DLGAP2: variants seen among roughly 807,000 people sequenced by gnomAD.
DLGAP2 encodes the protein disks large-associated protein 2.
Under a neutral mutation model 100.3 loss-of-function variants are expected in DLGAP2, and 26 were observed. That is an observed-to-expected ratio of 0.26 (90% CI 0.19 to 0.36). The LOEUF (loss-of-function observed/expected upper bound fraction) is 0.36. DLGAP2 is among the 10% of genes least tolerant of loss of function. DLGAP2 has a pLI of 1.00. For synonymous variants in DLGAP2, 886 were observed against 630.1 expected (o/e 1.41, Z -6.08); for missense variants, 1,858 against 1,453.2 (o/e 1.28, Z -4.53).
chr8:1,626,975 G>C (rs1010235934), intron 7 of DLGAP2, 88 bp downstream of exon 7: 7 of 1,467,962 alleles, frequency 4.8e-6, no homozygotes, highest in South Asian at 1.3e-5. Flanking sequence ...TGGCGATGGC[G>C]CTGCCCTCCT....
chr8:1,024,082 C>T (rs750446750), intron 2 of DLGAP2, among the ~76,000 whole-genome samples: 17 of 151,962 alleles, frequency 1.1e-4, no homozygotes, highest in African/African-American at 1.9e-4. Context: ...TCCTGCAGGA[C>T]GAGGCCTCCG....
At chr8:989,296 C>T (rs1800582051) in intron 2 of DLGAP2, among the ~76,000 whole-genome samples, 1 of 152,282 alleles carries the variant, frequency 6.6e-6, no homozygotes, top group Middle Eastern at 3.4e-3. Flanking sequence ...TCCTAACCTC[C>T]TCTCCATCAG....
intron 2 of DLGAP2, among the ~76,000 whole-genome samples, chr8:1,251,812 A>C (rs1213939966): frequency 6.6e-6 from 1 of 152,090 alleles, no homozygotes; most frequent in Non-Finnish European, 1.5e-5. Flanking sequence ...ACGTCATCGC[A>C]CTGTTGCACG....
chr8:1,631,542 C>T (rs1013287691), intron 7 of DLGAP2, among the ~76,000 whole-genome samples: 6 of 152,168 alleles, frequency 3.9e-5, no homozygotes, highest in South Asian at 4.1e-4. Context: ...GCCATCCTGC[C>T]GGCTGTGTCC....
chr8:1,290,470 T>C (rs1236094495), intron 3 of DLGAP2, among the ~76,000 whole-genome samples: 1 of 152,196 alleles, frequency 6.6e-6, no homozygotes, highest in Non-Finnish European at 1.5e-5. Context: ...CTTTTAATTC[T>C]CATCAGAGGA....
chr8:1,178,694 G>A lies in DLGAP2; in HGVS notation c.74-80157G>A, dbSNP rs998254801. On this transcript the variant is annotated intron_variant, in intron 2 of 14. Transcript: ENST00000637795. Reference sequence around the variant, plus strand: ...ATGGATTTTGGGAAGTGCACAAAATGTAGAAGTTTTAGCAACTGCTGGGCA... The same window carrying A: ...ATGGATTTTGGGAAGTGCACAAAATATAGAAGTTTTAGCAACTGCTGGGCA... Among the ~76,000 whole-genome samples the A allele has an allele frequency of 2.0e-5, 3 of 152,290 alleles. No individual in the cohort carries two copies. In the South Asian group the frequency reaches 6.2e-4, roughly 32 times the overall value.
intron 7 of DLGAP2, among the ~76,000 whole-genome samples, chr8:1,627,886 A>G (rs756624793): frequency 1.9e-3 from 204 of 108,882 alleles, no homozygotes; most frequent in Middle Eastern, 5.6e-3. Context: ...GTGGAGCAGG[A>G]ATTAAGAGCT....
intron 3 of DLGAP2, among the ~76,000 whole-genome samples, chr8:1,267,628 ATT>A (rs1405584196): frequency 0.068 from 1,419 of 20,804 alleles, 181 homozygotes; most frequent in African/African-American, 0.21. Flanking sequence ...TAAGATAAAT[ATT>A]AAATAGGTCT....
At chr8:1,097,732 G>A (rs966984379) in intron 2 of DLGAP2, among the ~76,000 whole-genome samples, 4 of 136,456 alleles carry the variant, frequency 2.9e-5, no homozygotes, top group Non-Finnish European at 4.7e-5. Context: ...GCTCAGGAGA[G>A]TCGAGCTGGG....
At chr8:1,091,025 T>G (rs1563186217) in intron 2 of DLGAP2, among the ~76,000 whole-genome samples, 1 of 152,146 alleles carries the variant, frequency 6.6e-6, no homozygotes. Flanking sequence ...AGGGACGTGG[T>G]GTTTGTCAGT....
At chr8:983,408 G>A (rs1188689616) in intron 2 of DLGAP2, among the ~76,000 whole-genome samples, 7 of 150,646 alleles carry the variant, frequency 4.6e-5, no homozygotes, top group Non-Finnish European at 8.9e-5. Flanking sequence ...ATGTTCTTCT[G>A]TCCCTTAGAA....
chr8:932,406 A>G (rs1442550754), intron 2 of DLGAP2, among the ~76,000 whole-genome samples: 1 of 152,242 alleles, frequency 6.6e-6, no homozygotes, highest in Non-Finnish European at 1.5e-5. Context: ...AAAGACTGAT[A>G]AATGGTTCCA....
intron 3 of DLGAP2, among the ~76,000 whole-genome samples, chr8:1,450,466 C>G (rs1798124766): frequency 6.8e-6 from 1 of 147,384 alleles, no homozygotes; most frequent in Non-Finnish European, 1.5e-5. Context: ...GTGGCTGAGG[C>G]TGAGCTGTGA....
At chr8:1,665,168 C>T (rs571918619) in intron 8 of DLGAP2, among the ~76,000 whole-genome samples, 142 of 151,838 alleles carry the variant, frequency 9.4e-4, no homozygotes, top group Non-Finnish European at 1.4e-3. Context: ...TTTTAATTTA[C>T]GAGATATTCC....
intron 3 of DLGAP2, among the ~76,000 whole-genome samples, chr8:1,327,664 G>A (rs919903050): frequency 6.6e-6 from 1 of 152,052 alleles, no homozygotes; most frequent in African/African-American, 2.4e-5. Flanking sequence ...CTAACACCAT[G>A]AAACCCCATC....
chr8:1,420,636 C>G (rs1797064671), intron 3 of DLGAP2, among the ~76,000 whole-genome samples: 1 of 152,162 alleles, frequency 6.6e-6, no homozygotes, highest in South Asian at 2.1e-4. Context: ...TTCACACTGT[C>G]AGGACCCAAT....
chr8:1,497,672 C>A (rs1404169241), intron 3 of DLGAP2, among the ~76,000 whole-genome samples: 1 of 152,202 alleles, frequency 6.6e-6, no homozygotes, highest in Non-Finnish European at 1.5e-5. Flanking sequence ...CATGGCTCTA[C>A]CTATGGCCTG....
At chr8:782,624 G>C (rs1489749972) in intron 1 of DLGAP2, among the ~76,000 whole-genome samples, 1 of 152,204 alleles carries the variant, frequency 6.6e-6, no homozygotes, top group Non-Finnish European at 1.5e-5. Flanking sequence ...TCAATGTGAA[G>C]AGACCTGAAG....
In DLGAP2 at chr8:1,707,232, A is replaced by T. The variant is rs1799732547; in HGVS notation, c.*5826A>T. Reference sequence around the variant, plus strand: ...TCACCTACTCAATGGAGGAGAGGTGATAATGAATGAAAAGATTGACACCAG... The same window carrying T: ...TCACCTACTCAATGGAGGAGAGGTGTTAATGAATGAAAAGATTGACACCAG... On this transcript the variant is annotated 3_prime_UTR_variant, in exon 15 of 15. Coordinates refer to ENST00000637795, the MANE Select transcript of DLGAP2 (RefSeq NM_001346810.2). The T allele has an allele frequency of 6.6e-6, 1 of 152,640 alleles. No individual in the cohort carries two copies. 9.5% of individuals were successfully genotyped at this position (152,640 alleles called of 1,614,324 possible).
Sources: allele counts gnomAD v4.1 joint callset (sites outside exome capture counted in the v4.1 genomes callset), GRCh38; gene constraint gnomAD v4.1.1; transcripts MANE v1.5; gene names NCBI Gene and HGNC (gene_info 2026-07-23, HGNC 2026-07-21).